Variants in NAT9 observed in about 807,000 individuals in gnomAD.
NAT9 encodes the protein alpha/beta-tubulin-N-acetyltransferase 9.
In NAT9, 18 loss-of-function variants were observed where a neutral mutation model predicts 24.0. The ratio of observed to expected loss-of-function variants is 0.75; its 90% confidence interval spans 0.52 to 1.11. The LOEUF (loss-of-function observed/expected upper bound fraction) is 1.11. NAT9 is among the 50% of genes most tolerant of loss of function. The pLI, the probability that NAT9 is intolerant of heterozygous loss-of-function variation, is 0.00. For missense variants in NAT9, 254 were observed against 258.6 expected (o/e 0.98, Z 0.12); for synonymous variants, 104 against 102.3 (o/e 1.02, Z -0.10).
chr17:74,772,110 G>C lies in NAT9; in HGVS notation c.395-56C>G, dbSNP rs878949037. 1.9e-6 allele frequency: 3 copies of C among 1,613,656 alleles called. No homozygotes were observed. In the Admixed American group the frequency reaches 5.0e-5, roughly 27 times the overall value. On this transcript the variant is annotated intron_variant, in intron 5 of 6. Coordinates refer to ENST00000357814, the MANE Select transcript of NAT9 (RefSeq NM_015654.5). ...AGGAGGCGCCTGCCCCCACCCTCCT[G>C]TCCCAAGCTGCAGAGGAGGAACCTT... is the stretch of plus-strand genomic sequence containing the variant.
In NAT9 at chr17:74,772,011, C is replaced by T; in HGVS notation, c.438G>A (p.Gly146=). Residue 146 remains glycine (G), a synonymous_variant, in exon 6 of 7, where the codon GGG becomes GGA. Coordinates refer to ENST00000357814, the MANE Select transcript of NAT9 (RefSeq NM_015654.5). ...LGLTKFEAKI[G]QGNEPSIRMF... ...TCCGGATGCTTGGTTCATTTCCTTG[C>T]CCAATTTTAGCCTCAAACTTGGTCA... The T allele has an allele frequency of 3.1e-6, 5 of 1,614,228 alleles. No homozygotes were observed. The highest frequency in any genetic ancestry group is 4.2e-6 in the Non-Finnish European group (5 of 1,180,040).
At chr17:74,775,991 C>G in intron 1 of NAT9, 1 of 327,466 alleles carries the variant, frequency 3.1e-6, no homozygotes, top group Non-Finnish European at 5.6e-6. Flanking sequence ...AACCCAAGCA[C>G]CAAGTACCAA....
chr17:74,771,981 G>C lies in NAT9; in HGVS notation c.468C>G (p.Phe156Leu), dbSNP rs767366707. 1.9e-6 allele frequency: 3 copies of C among 1,614,232 alleles called. No individual in the cohort carries two copies. The highest frequency in any genetic ancestry group is 2.2e-5 in the South Asian group (2 of 91,084). ...TTACCTGCTCAAAGTGAAGTTTCTG[G>C]AACATCCGGATGCTTGGTTCATTTC... The part of the protein sequence containing the change: ...GQGNEPSIRM[F>L]QKLHFEQVAT... The change falls in exon 6 of 7, where the codon TTC becomes TTG. Residue 156 changes from phenylalanine to leucine, a missense_variant. Coordinates refer to ENST00000357814, the MANE Select transcript of NAT9 (RefSeq NM_015654.5).
Position 74,771,815 on chromosome 17 carries a change from G to A in NAT9, c.533C>T (p.Thr178Ile). Reference protein sequence around the residue: ...SVFQEVTLRLTVSESEHQWLL... With the variant: ...SVFQEVTLRLIVSESEHQWLL... ...CCACTGATGCTCGGACTCACTCACT[G>A]TCAGTCTGAGGGTCACCTCCTGAAA... Residue 178 changes from threonine to isoleucine, a missense_variant, in exon 7 of 7, where the codon ACA (threonine) becomes ATA (isoleucine). Coordinates refer to ENST00000357814, the MANE Select transcript of NAT9 (RefSeq NM_015654.5). 2 of 1,614,200 alleles carry A rather than the reference G, an allele frequency of 1.2e-6. No homozygotes were observed. The highest frequency in any genetic ancestry group is 1.7e-6 in the Non-Finnish European group (2 of 1,180,034).
Position 74,775,707 on chromosome 17 carries a change from C to G in NAT9, c.-9G>C. The G allele has an allele frequency of 6.2e-7, 1 of 1,613,872 alleles. No homozygotes were observed. The highest frequency in any genetic ancestry group is 8.5e-7 in the Non-Finnish European group (1 of 1,179,810). On this transcript the variant is annotated splice_region_variant and 5_prime_UTR_variant, in exon 2 of 7. Coordinates refer to ENST00000357814, the MANE Select transcript of NAT9 (RefSeq NM_015654.5). ...TTCTGATTCAACCTCATGGTAGCAGCCTGCATGCAGATGGGGAGAGCAAAG... is the reference window on the plus strand; with the variant it reads ...TTCTGATTCAACCTCATGGTAGCAGGCTGCATGCAGATGGGGAGAGCAAAG...
At chr17:74,773,086 G>A (rs1401362310) in intron 3 of NAT9, 47 bp from the exon 4 acceptor site, 1 of 1,601,198 alleles carries the variant, frequency 6.2e-7, no homozygotes, top group Non-Finnish European at 8.5e-7. Context: ...CCAGAGGAGA[G>A]AAGAGAGGAT....
rs750722404 is a variant in NAT9, at chr17:74,772,268, C to T, written c.344G>A (p.Cys115Tyr). 1.9e-6 allele frequency: 3 copies of T among 1,613,996 alleles called. No individual in the cohort carries two copies. The Admixed American group carries it at 5.0e-5, about 27-fold the overall frequency. Reference sequence around the variant, plus strand: ...CTCAGTGCCAAGGCCCTTACCCCTGCAGCTGGGCTCTAGGAGAGACAACAG... The same window carrying T: ...CTCAGTGCCAAGGCCCTTACCCCTGTAGCTGGGCTCTAGGAGAGACAACAG... ...EIEVMIAEPS[C>Y]RGKGLGTEAV... is the part of the protein sequence containing the mutation. Residue 115 changes from cysteine to tyrosine, a missense_variant, in exon 5 of 7, where the codon TGC becomes TAC. Cys to Tyr is a radical substitution (Grantham distance 194, BLOSUM62 -2). Transcript: ENST00000357814.
rs1251790395 is a variant in NAT9 at position 74,770,593 on chromosome 17, A to G, written c.*1131T>C. ...TATACTGAGGCATGTTTTCGGTTCC[A>G]GTTGTTCACATGCAGTCTGCTGTGA... On this transcript the variant is annotated 3_prime_UTR_variant, in exon 7 of 7. Coordinates refer to ENST00000357814, the MANE Select transcript of NAT9 (RefSeq NM_015654.5). The G allele has an allele frequency of 6.6e-6, 1 of 152,246 alleles. No homozygotes were observed. Among genetic ancestry groups the G allele is most frequent in the African/African-American group, 2.4e-5 (1 of 41,448 alleles). The allele number at this position is 152,246 out of a possible 1,614,324, so 9.4% of individuals were successfully genotyped here.
chr17:74,772,985 G>A lies in NAT9; in HGVS notation c.245C>T (p.Thr82Ile), dbSNP rs200888137. Reference protein sequence around the residue: ...AEKWQAQPGATEESCMVGDVN... With the variant: ...AEKWQAQPGAIEESCMVGDVN... ...ATCTCCCACCATGCAGCTCTCTTCG[G>A]TGGCGCCTGGCTGGGCCTGCCACTT... The change falls in exon 4 of 7, where the codon ACC becomes ATC. Residue 82 changes from threonine (T) to isoleucine (I), a missense_variant. Thr to Ile is a moderately conservative substitution (Grantham distance 89, BLOSUM62 -1). Transcript: ENST00000357814. 2,947 of 1,614,002 alleles carry A rather than the reference G, an allele frequency of 1.8e-3. 11 individuals carry two copies. The highest frequency in any genetic ancestry group is 3.5e-3 in the South Asian group (317 of 91,056).
rs781626244 is a variant in NAT9 at position 74,772,021 on chromosome 17, G to A, written c.428C>T (p.Ala143Val). 2 of 1,614,188 alleles carry A rather than the reference G, an allele frequency of 1.2e-6. No homozygotes were observed. Among genetic ancestry groups the A allele is most frequent in the Non-Finnish European group, 1.7e-6 (2 of 1,180,038 alleles). Residue 143 changes from alanine to valine, a missense_variant, in exon 6 of 7, where the codon GCT becomes GTT. Coordinates refer to ENST00000357814, the MANE Select transcript of NAT9 (RefSeq NM_015654.5). Reference sequence around the variant, plus strand: ...TGGTTCATTTCCTTGCCCAATTTTAGCCTCAAACTTGGTCAGACCTAGCGT... The same window carrying A: ...TGGTTCATTTCCTTGCCCAATTTTAACCTCAAACTTGGTCAGACCTAGCGT... The part of the protein sequence containing the change: ...VTTLGLTKFE[A>V]KIGQGNEPSI...
At chr17:74,771,891 G>A in intron 6 of NAT9, 33 bp from the exon 7 acceptor site, 2 of 1,614,238 alleles carry the variant, frequency 1.2e-6, no homozygotes, top group Non-Finnish European at 1.7e-6. Flanking sequence ...AGCCTGCTAA[G>A]TTACAGTATT....
At chr17:74,773,764 A>G (rs1240197710) in intron 2 of NAT9, 76 bp from the exon 3 acceptor site, 1 of 1,255,304 alleles carries the variant, frequency 8.0e-7, no homozygotes. Context: ...AGGGTCCAGA[A>G]CCAGACAGGG....
intron 2 of NAT9, 75 bp downstream of exon 2, chr17:74,775,547 T>C (rs997985847): frequency 3.8e-5 from 47 of 1,222,586 alleles, no homozygotes; most frequent in Non-Finnish European, 4.7e-5. Flanking sequence ...TTAGGGGAAA[T>C]AGCCCTGAGA....
chr17:74,773,726 T>A (rs769451238), intron 2 of NAT9, 38 bp from the exon 3 acceptor site: 1 of 1,557,450 alleles, frequency 6.4e-7, no homozygotes, highest in Non-Finnish European at 8.9e-7. Flanking sequence ...GGAGGACTCA[T>A]TCAGAGGCAT....
Position 74,773,632 on chromosome 17 carries a change from G to A in NAT9, c.134C>T (p.Pro45Leu), listed in dbSNP as rs201882790. ...EELQRLTASE[P>L]LTLEQEYAMQ... The stretch of plus-strand genomic sequence containing the variant: ...GGCATACTCCTGCTCCAGGGTCAGC[G>A]GCTCCGAGGCTGTCAAACGCTGCAG... The change falls in exon 3 of 7, where the codon CCG becomes CTG. Residue 45 changes from proline (P) to leucine (L), a missense_variant. Physicochemically the swap from Pro to Leu is moderately conservative, Grantham distance 98 (BLOSUM62 -3). Transcript: ENST00000357814. 646 of 1,614,012 alleles carry A rather than the reference G, an allele frequency of 4.0e-4. No individual in the cohort carries two copies. Among genetic ancestry groups the A allele is most frequent in the Non-Finnish European group, 5.2e-4 (615 of 1,180,026 alleles).
At chr17:74,773,082 G>T (rs371567148) in intron 3 of NAT9, 43 bp from the exon 4 acceptor site, 1 of 1,602,962 alleles carries the variant, frequency 6.2e-7, no homozygotes. Flanking sequence ...CTCCCCAGAG[G>T]AGAGAAGAGA....
chr17:74,771,838 A>T lies in NAT9; in HGVS notation c.510T>A (p.Phe170Leu). 1 of 1,614,228 alleles carries T rather than the reference A, an allele frequency of 6.2e-7. No homozygotes were observed. The highest frequency in any genetic ancestry group is 8.5e-7 in the Non-Finnish European group (1 of 1,180,034). The change falls in exon 7 of 7, where the codon TTT becomes TTA. Residue 170 changes from phenylalanine to leucine, a missense_variant. Transcript: ENST00000357814. ...CTGTCAGTCTGAGGGTCACCTCCTG[A>T]AAAACACTGCTCGTAGCCACCTACG... Reference protein sequence around the residue: ...HFEQVATSSVFQEVTLRLTVS... With the variant: ...HFEQVATSSVLQEVTLRLTVS...
chr17:74,771,039 CCT>C lies in NAT9; in HGVS notation c.*683_*684del, dbSNP rs2035154135. On this transcript the variant is annotated 3_prime_UTR_variant, in exon 7 of 7. Transcript: ENST00000357814. ...AGGGGCCTCTGCTTCCTCAGTGCCC[CCT>C]GAGCTTTATCAGCAGAGGGGTGTTT... is the stretch of plus-strand genomic sequence containing the variant. 1.3e-5 allele frequency: 2 copies of C among 153,246 alleles called. No individual in the cohort carries two copies. The highest frequency in any genetic ancestry group is 1.3e-4 in the Admixed American group (2 of 15,450). The allele number at this position is 153,246 out of a possible 1,614,324, so 9.5% of individuals were successfully genotyped here.
rs12937268 is a variant in NAT9 at position 74,771,279 on chromosome 17, C to T, written c.*445G>A. On this transcript the variant is annotated 3_prime_UTR_variant, in exon 7 of 7. Coordinates refer to ENST00000357814, the MANE Select transcript of NAT9 (RefSeq NM_015654.5). ...GAGTGGACACTGTGAGGCTGGGGCT[C>T]GTGGTAGCTCTTCACATGGACCAAA... The T allele has an allele frequency of 0.11, 21,515 of 198,312 alleles. 1,500 individuals are homozygous for T. Among genetic ancestry groups the T allele is most frequent in the African/African-American group, 0.2 (8,768 of 43,726 alleles). The allele number at this position is 198,312 out of a possible 1,614,324, so 12.3% of individuals were successfully genotyped here. A position where few individuals can be genotyped will look rare whatever the true frequency, so the allele number is the denominator to read the frequency against.
Sources: allele counts gnomAD v4.1 joint callset, GRCh38; gene constraint gnomAD v4.1.1; transcripts MANE v1.5; gene names NCBI Gene and HGNC (gene_info 2026-07-23, HGNC 2026-07-21).